Variants in BTBD10 observed in about 807,000 individuals in gnomAD.
BTBD10 encodes the protein BTB/POZ domain-containing protein 10.
Under a neutral mutation model 53.2 loss-of-function variants are expected in BTBD10, and 21 were observed. That is an observed-to-expected ratio of 0.39 (90% confidence interval 0.28 to 0.57). The LOEUF (loss-of-function observed/expected upper bound fraction) is 0.57. BTBD10 is among the 20% of genes least tolerant of loss of function. The pLI, the probability that BTBD10 is intolerant of heterozygous loss-of-function variation, is 0.53. For missense variants in BTBD10, 360 were observed against 594.7 expected (o/e 0.61, Z 4.10); for synonymous variants, 149 against 192.7 (o/e 0.77, Z 1.88).
rs1950018024 is a variant in BTBD10 at position 13,413,653 on chromosome 11, G to A, written c.688-3C>T. The A allele has an allele frequency of 1.2e-6, 2 of 1,601,858 alleles. No individual in the cohort carries two copies. The highest frequency in any genetic ancestry group is 4.5e-5 in the East Asian group (2 of 44,472). On this transcript the variant is annotated splice_polypyrimidine_tract_variant and splice_region_variant and intron_variant, in intron 5 of 8. Coordinates refer to ENST00000278174, the MANE Select transcript of BTBD10 (RefSeq NM_032320.7). ...ATTATTCCTGTTTTATAGTAATCCT[G>A]GAAAAAGAAAAGTAAAGAAAGCATA... is the stretch of plus-strand genomic sequence containing the variant.
chr11:13,395,330 A>G (rs1949516906), intron 8 of BTBD10, among the ~76,000 whole-genome samples: 1 of 152,158 alleles, frequency 6.6e-6, no homozygotes, highest in African/African-American at 2.4e-5. Flanking sequence ...TTTTGGCTGC[A>G]TAAATGTCTT....
chr11:13,439,007 C>A (rs1186576093), intron 2 of BTBD10, among the ~76,000 whole-genome samples: 1 of 151,900 alleles, frequency 6.6e-6, no homozygotes, highest in Non-Finnish European at 1.5e-5. Flanking sequence ...GATGACCATT[C>A]AAACTTTTAG....
At chr11:13,428,107 A>C (rs1273456234) in intron 2 of BTBD10, among the ~76,000 whole-genome samples, 1 of 152,108 alleles carries the variant, frequency 6.6e-6, no homozygotes, top group Non-Finnish European at 1.5e-5. Context: ...AAAAATCGAG[A>C]AGATACAAAC....
chr11:13,388,779 G>A lies in BTBD10; in HGVS notation c.*52C>T. On this transcript the variant is annotated 3_prime_UTR_variant, in exon 9 of 9. Transcript: ENST00000278174. ...GGCCTTGCAGTGCAGAATGAGGAGA[G>A]TACAACGTCACTGTGAAGAGTAGCA... is the stretch of plus-strand genomic sequence containing the variant. 1 of 1,545,808 alleles carries A rather than the reference G, an allele frequency of 6.5e-7. No homozygotes were observed. The highest frequency in any genetic ancestry group is 1.7e-5 in the Admixed American group (1 of 58,320).
chr11:13,452,769 G>A (rs1005663692), intron 1 of BTBD10, among the ~76,000 whole-genome samples: 9 of 152,078 alleles, frequency 5.9e-5, no homozygotes, highest in Non-Finnish European at 7.4e-5. Context: ...TTCCTTAAAC[G>A]TGAAATGAAG....
chr11:13,453,592 G>C (rs181039134), intron 1 of BTBD10, among the ~76,000 whole-genome samples: 1 of 151,964 alleles, frequency 6.6e-6, no homozygotes, highest in African/African-American at 2.4e-5. Context: ...AATTTTTTTG[G>C]ATTGCTTAAA....
At chr11:13,417,460 A>T (rs911578046) in intron 4 of BTBD10, among the ~76,000 whole-genome samples, 200 bp from the exon 5 acceptor site, 9 of 152,230 alleles carry the variant, frequency 5.9e-5, no homozygotes, top group Non-Finnish European at 1.0e-4. Flanking sequence ...ACACTAGTAT[A>T]GATTTCCTGT....
intron 6 of BTBD10, among the ~76,000 whole-genome samples, chr11:13,410,167 T>G (rs1949909111): frequency 6.6e-6 from 1 of 152,082 alleles, no homozygotes; most frequent in South Asian, 2.1e-4. Context: ...TAAAAAAAAT[T>G]AAAGTTGACA....
At chr11:13,396,146 C>T (rs1280573229) in intron 8 of BTBD10, among the ~76,000 whole-genome samples, 4 of 152,242 alleles carry the variant, frequency 2.6e-5, no homozygotes, top group African/African-American at 7.2e-5. Flanking sequence ...GCCATTTTCA[C>T]GATATTGATT....
At chr11:13,434,294 AG>A (rs1234535973) in intron 2 of BTBD10, among the ~76,000 whole-genome samples, 1 of 152,222 alleles carries the variant, frequency 6.6e-6, no homozygotes, top group Non-Finnish European at 1.5e-5. Context: ...AAATGTTATA[AG>A]GAAAAATAAA....
At chr11:13,424,142 CA>C (rs1269008068) in intron 2 of BTBD10, among the ~76,000 whole-genome samples, 3 of 152,122 alleles carry the variant, frequency 2.0e-5, no homozygotes, top group African/African-American at 7.2e-5. Flanking sequence ...ATTATTCTGG[CA>C]GCTAAGTTTT....
chr11:13,435,530 T>C (rs1950530881), intron 2 of BTBD10, among the ~76,000 whole-genome samples: 1 of 152,242 alleles, frequency 6.6e-6, no homozygotes, highest in East Asian at 1.9e-4. Flanking sequence ...TCTCGCTCTG[T>C]CGCCCAGGCT....
At position 13,434,607 on chromosome 11, in the gene BTBD10, T is replaced by C. The variant is rs867623961; in HGVS notation, c.101+10417A>G. 2.0e-5 allele frequency among the ~76,000 whole-genome samples: 3 copies of C among 152,346 alleles called. No individual in the cohort carries two copies. The Middle Eastern group carries it at 0.01, about 518-fold the overall frequency. On this transcript the variant is annotated intron_variant, in intron 2 of 8. Coordinates refer to ENST00000278174, the MANE Select transcript of BTBD10 (RefSeq NM_032320.7). The stretch of plus-strand genomic sequence containing the variant: ...AATGTTTAAAGGGTTTTGGCTTTTG[T>C]TTGAGTGAAATGGGTAGCACTGAAG...
chr11:13,403,305 G>T, intron 7 of BTBD10, 27 bp from the exon 8 acceptor site: 1 of 1,224,786 alleles, frequency 8.2e-7, no homozygotes, highest in Non-Finnish European at 1.1e-6. Context: ...AAATATTATT[G>T]TATTAAAATT....
intron 1 of BTBD10, among the ~76,000 whole-genome samples, chr11:13,457,192 TAAAAAG>T (rs1461819862): frequency 1.3e-5 from 2 of 151,686 alleles, no homozygotes; most frequent in African/African-American, 2.4e-5. Flanking sequence ...ATAAATAAAA[TAAAAAG>T]AAAAACACAG....
At chr11:13,450,100 A>G (rs1041411720) in intron 1 of BTBD10, among the ~76,000 whole-genome samples, 4 of 152,320 alleles carry the variant, frequency 2.6e-5, no homozygotes, top group Middle Eastern at 3.4e-3. Context: ...CCTGATAGAT[A>G]AGAGAGGGGG....
At chr11:13,452,592 A>T (rs1223416606) in intron 1 of BTBD10, among the ~76,000 whole-genome samples, 2 of 152,184 alleles carry the variant, frequency 1.3e-5, no homozygotes, top group African/African-American at 4.8e-5. Flanking sequence ...AGCATACTTA[A>T]TAGCCATCCT....
chr11:13,456,586 G>A (rs1246525388), intron 1 of BTBD10, among the ~76,000 whole-genome samples: 1 of 151,994 alleles, frequency 6.6e-6, no homozygotes. Context: ...AAAAAATAAA[G>A]TTTTAAAAAC....
intron 8 of BTBD10, among the ~76,000 whole-genome samples, chr11:13,393,766 ATT>A (rs1428458143): frequency 2.6e-5 from 4 of 152,150 alleles, no homozygotes; most frequent in Admixed American, 6.5e-5. Context: ...TTAATTTTAA[ATT>A]TTTAATTTTT....
Sources: gnomAD v4.1 joint callset for allele counts (sites outside exome capture counted in the v4.1 genomes callset) on GRCh38, gnomAD v4.1.1 for gene constraint, MANE v1.5 for transcripts, NCBI Gene and HGNC (gene_info 2026-07-23, HGNC 2026-07-21) for gene names.